The following MDGA2 variants were observed in gnomAD, a reference collection of about 807,000 sequenced individuals.
The protein encoded by MDGA2 is MAM domain containing glycosylphosphatidylinositol anchor 2, also known as MAM domain-containing glycosylphosphatidylinositol anchor protein 2.
In MDGA2, 40 loss-of-function variants were observed where a neutral mutation model predicts 117.8. The observed-to-expected ratio is 0.34, with a 90% CI of 0.26 to 0.44. MDGA2 has a LOEUF of 0.44. Among genes scored for constraint, MDGA2 ranks in the 20% least tolerant of loss-of-function variants. The pLI, the probability that MDGA2 is intolerant of heterozygous loss-of-function variation, is 1.00. For synonymous variants in MDGA2, 452 were observed against 439.0 expected, an observed-to-expected ratio of 1.03 and a Z score of -0.37; for missense variants, 1,123 against 1,250.6, an observed-to-expected ratio of 0.90 and a Z score of 1.54.
chr14:47,204,457 C>T (rs1400383579), intron 3 of MDGA2, among the ~76,000 whole-genome samples: 2 of 151,978 alleles, frequency 1.3e-5, no homozygotes, highest in Non-Finnish European at 2.9e-5. Flanking sequence ...GGTTAATGCA[C>T]TTACTGAAAA....
chr14:47,646,774 A>G lies in MDGA2; in HGVS notation c.280+27743T>C, dbSNP rs574342664. On this transcript the variant is annotated intron_variant, in intron 1 of 16. Coordinates refer to ENST00000399232, the MANE Select transcript of MDGA2 (RefSeq NM_001113498.3). ...AAATATTAGATGACAATTTAATTTT[A>G]GGGTTGAATTTTGATCAGAGCCATT... is the stretch of plus-strand genomic sequence containing the variant. 3.9e-5 allele frequency among the ~76,000 whole-genome samples: 6 copies of G among 152,342 alleles called. No individual in the cohort carries two copies. In the South Asian group the frequency reaches 1.2e-3, roughly 32 times the overall value.
chr14:46,996,230 G>C (rs1407333017), intron 8 of MDGA2, among the ~76,000 whole-genome samples: 1 of 152,114 alleles, frequency 6.6e-6, no homozygotes, highest in Non-Finnish European at 1.5e-5. Context: ...TTACATACTT[G>C]AATTATCTTT....
chr14:47,000,392 T>C (rs1315043004), intron 8 of MDGA2, among the ~76,000 whole-genome samples: 1 of 17,498 alleles, frequency 5.7e-5, no homozygotes, highest in African/African-American at 1.2e-4. Context: ...TATATATATT[T>C]ATATATAAAT....
intron 7 of MDGA2, among the ~76,000 whole-genome samples, chr14:47,036,796 C>T (rs1459057533): frequency 2.0e-5 from 3 of 152,294 alleles, no homozygotes; most frequent in African/African-American, 7.2e-5. Flanking sequence ...ATTATAGAGA[C>T]AAATAAATTC....
chr14:47,264,765 G>A (rs113166888), intron 2 of MDGA2, among the ~76,000 whole-genome samples: 3 of 151,652 alleles, frequency 2.0e-5, no homozygotes, highest in Non-Finnish European at 2.9e-5. Context: ...TAGTATACAC[G>A]TGCCATGGTA....
At chr14:47,288,543 A>C (rs1888768392) in intron 2 of MDGA2, among the ~76,000 whole-genome samples, 1 of 152,156 alleles carries the variant, frequency 6.6e-6, no homozygotes, top group East Asian at 1.9e-4. Flanking sequence ...ATCCAGCATC[A>C]TTTAATGATT....
intron 1 of MDGA2, among the ~76,000 whole-genome samples, chr14:47,330,070 C>G (rs1055293285): frequency 3.3e-5 from 5 of 151,852 alleles, no homozygotes; most frequent in Middle Eastern, 3.2e-3. Flanking sequence ...TAAGGCATAA[C>G]AATTTAAAAG....
chr14:47,663,896 A>C (rs1897895221), intron 1 of MDGA2, among the ~76,000 whole-genome samples: 1 of 152,040 alleles, frequency 6.6e-6, no homozygotes, highest in Non-Finnish European at 1.5e-5. Context: ...ACTATTAATT[A>C]GTCTTGAAGA....
Position 47,524,750 on chromosome 14 carries a change from G to A in MDGA2, c.280+149767C>T, listed in dbSNP as rs199630549. 4.2e-4 allele frequency among the ~76,000 whole-genome samples: 64 copies of A among 152,252 alleles called. No homozygotes were observed. The South Asian group carries it at 8.9e-3, about 21-fold the overall frequency. On this transcript the variant is annotated intron_variant, in intron 1 of 16. Coordinates refer to ENST00000399232, the MANE Select transcript of MDGA2 (RefSeq NM_001113498.3). Reference sequence around the variant, plus strand: ...TTCTCATGTGCACAATCAAAATAATGTCAGGGACTGTGTCTTATGCCTCTT... The same window carrying A: ...TTCTCATGTGCACAATCAAAATAATATCAGGGACTGTGTCTTATGCCTCTT...
At chr14:46,916,284 C>T (rs1176111226) in intron 10 of MDGA2, among the ~76,000 whole-genome samples, 4 of 152,064 alleles carry the variant, frequency 2.6e-5, no homozygotes, top group Non-Finnish European at 5.9e-5. Context: ...TGAAGAGGGG[C>T]GGAGGAGCTG....
chr14:47,014,269 G>A (rs916505043), intron 8 of MDGA2, among the ~76,000 whole-genome samples: 16 of 152,132 alleles, frequency 1.1e-4, no homozygotes, highest in African/African-American at 3.9e-4. Flanking sequence ...AGGCAGAGTA[G>A]ATTTAGCATG....
chr14:47,558,038 C>T (rs1895717858), intron 1 of MDGA2, among the ~76,000 whole-genome samples: 1 of 152,078 alleles, frequency 6.6e-6, no homozygotes, highest in Admixed American at 6.5e-5. Flanking sequence ...GTCATCATGA[C>T]TTTAAAAAGT....
chr14:47,541,706 A>G (rs889422844), intron 1 of MDGA2, among the ~76,000 whole-genome samples: 7 of 152,226 alleles, frequency 4.6e-5, no homozygotes, highest in African/African-American at 1.4e-4. Flanking sequence ...GAGAGCTTGA[A>G]GAAATGTCTT....
intron 2 of MDGA2, among the ~76,000 whole-genome samples, chr14:47,274,235 T>C (rs965983705): frequency 2.0e-5 from 3 of 152,094 alleles, no homozygotes; most frequent in African/African-American, 7.2e-5. Context: ...TGCCATTGAC[T>C]CTTTCCCCAA....
chr14:46,898,446 C>G (rs888131657), intron 10 of MDGA2, among the ~76,000 whole-genome samples: 1 of 151,988 alleles, frequency 6.6e-6, no homozygotes, highest in Non-Finnish European at 1.5e-5. Flanking sequence ...AATGGCCATT[C>G]AGTCTAATGG....
At chr14:46,891,852 A>G (rs1882898035) in intron 10 of MDGA2, among the ~76,000 whole-genome samples, 1 of 151,466 alleles carries the variant, frequency 6.6e-6, no homozygotes, top group African/African-American at 2.4e-5. Flanking sequence ...ATCATAATAA[A>G]TATTTTAAGA....
chr14:47,393,093 A>T (rs1891932327), intron 1 of MDGA2, among the ~76,000 whole-genome samples: 1 of 147,378 alleles, frequency 6.8e-6, no homozygotes, highest in African/African-American at 2.5e-5. Context: ...CAGATAATTA[A>T]AATAATAATA....
chr14:47,156,325 G>A (rs774264541), intron 3 of MDGA2, among the ~76,000 whole-genome samples: 3 of 152,032 alleles, frequency 2.0e-5, no homozygotes, highest in Non-Finnish European at 4.4e-5. Flanking sequence ...TTTACATCAA[G>A]GCATACGCTT....
At chr14:47,414,715 A>C (rs1892440418) in intron 1 of MDGA2, among the ~76,000 whole-genome samples, 1 of 152,136 alleles carries the variant, frequency 6.6e-6, no homozygotes, top group Non-Finnish European at 1.5e-5. Context: ...TACTGTATAT[A>C]TCACTACTAT....
Sources: gnomAD v4.1 joint callset for allele counts (sites outside exome capture counted in the v4.1 genomes callset) on GRCh38, gnomAD v4.1.1 for gene constraint, MANE v1.5 for transcripts, NCBI Gene and HGNC (gene_info 2026-07-23, HGNC 2026-07-21) for gene names.